Variants in COL25A1 observed in about 807,000 individuals in gnomAD.
COL25A1 encodes collagen type XXV alpha 1 chain, also known as collagen alpha-1(XXV) chain.
COL25A1 carries 103 observed loss-of-function variants against 128.4 expected under a neutral mutation model. The ratio of observed to expected loss-of-function variants is 0.80; its 90% CI spans 0.68 to 0.94. The LOEUF (loss-of-function observed/expected upper bound fraction) is 0.94, where lower values mean the gene tolerates loss of function less well. Among genes scored for constraint, COL25A1 ranks in the 40% least tolerant of loss-of-function variants. The pLI, the probability that COL25A1 is intolerant of heterozygous loss-of-function variation, is 0.00. For synonymous variants in COL25A1, 279 were observed against 277.2 expected (o/e 1.01, Z -0.06); for missense variants, 745 against 840.0 (o/e 0.89, Z 1.40).
intron 6 of COL25A1, among the ~76,000 whole-genome samples, chr4:109,004,703 C>T (rs780502997): frequency 6.6e-6 from 1 of 152,044 alleles, no homozygotes; most frequent in East Asian, 1.9e-4. Context: ...TGCCATGTGA[C>T]GTGCCTGCTC....
intron 3 of COL25A1, among the ~76,000 whole-genome samples, chr4:109,161,737 G>C (rs1212755721): frequency 6.6e-6 from 1 of 152,150 alleles, no homozygotes; most frequent in Non-Finnish European, 1.5e-5. Flanking sequence ...TAACATTCCA[G>C]TTACTATATT....
intron 5 of COL25A1, among the ~76,000 whole-genome samples, chr4:109,013,622 C>T (rs1462978044): frequency 1.3e-5 from 2 of 152,118 alleles, no homozygotes; most frequent in East Asian, 3.9e-4. Context: ...AGCGAGACCA[C>T]AAACCCACCA....
chr4:108,941,951 G>A lies in COL25A1; in HGVS notation c.493-514C>T, dbSNP rs145916508. ...TGCTTGTAAATTAAGCCATCAAGGC[G>A]TGGCATGGTTCTAGATTGCTATGCC... is the stretch of plus-strand genomic sequence containing the variant. On this transcript the variant is annotated intron_variant, in intron 8 of 37. Coordinates refer to ENST00000399132, the MANE Select transcript of COL25A1 (RefSeq NM_198721.4). Among the ~76,000 whole-genome samples the A allele has an allele frequency of 2.3e-3, 350 of 152,284 alleles. 2 individuals are homozygous for A. Among genetic ancestry groups the A allele is most frequent in the African/African-American group, 8.1e-3 (336 of 41,564 alleles).
At chr4:109,187,499 T>C (rs775154063) in intron 3 of COL25A1, among the ~76,000 whole-genome samples, 18 of 152,194 alleles carry the variant, frequency 1.2e-4, no homozygotes, top group African/African-American at 3.1e-4. Flanking sequence ...CCTCATAGGG[T>C]TGGCACGAGA....
At chr4:109,230,654 A>G (rs1424431664) in intron 3 of COL25A1, among the ~76,000 whole-genome samples, 1 of 152,216 alleles carries the variant, frequency 6.6e-6, no homozygotes, top group African/African-American at 2.4e-5. Context: ...GCCAGTCCAA[A>G]GGTTCTATTT....
intron 6 of COL25A1, among the ~76,000 whole-genome samples, chr4:108,979,965 G>A (rs1473902143): frequency 2.0e-5 from 3 of 152,194 alleles, no homozygotes; most frequent in South Asian, 2.1e-4. Context: ...GAGGAGGAGC[G>A]AAGCAGGCCC....
intron 6 of COL25A1, among the ~76,000 whole-genome samples, chr4:109,001,015 A>G (rs1416111759): frequency 2.0e-5 from 3 of 152,138 alleles, no homozygotes; most frequent in Non-Finnish European, 4.4e-5. Flanking sequence ...TTGGTGAAGC[A>G]TAGTCTAGAA....
At chr4:109,221,306 A>T (rs1778393558) in intron 3 of COL25A1, among the ~76,000 whole-genome samples, 1 of 152,178 alleles carries the variant, frequency 6.6e-6, no homozygotes, top group Non-Finnish European at 1.5e-5. Context: ...AATTTGCCTA[A>T]AACCTTTAAA....
intron 3 of COL25A1, among the ~76,000 whole-genome samples, chr4:109,189,263 G>A (rs1775385937): frequency 6.6e-6 from 1 of 151,862 alleles, no homozygotes; most frequent in African/African-American, 2.4e-5. Flanking sequence ...GATTTTTCTG[G>A]CTGGGTGGGC....
intron 3 of COL25A1, among the ~76,000 whole-genome samples, chr4:109,233,404 T>C (rs1345228398): frequency 6.6e-6 from 1 of 152,152 alleles, no homozygotes. Context: ...ATCCAACTAG[T>C]ACAAAACTAT....
rs1161919641 is a variant in COL25A1, at chr4:108,812,416, C to A, written c.*1511G>T. 1 of 152,146 alleles carries A rather than the reference C, an allele frequency of 6.6e-6. No individual in the cohort carries two copies. Among genetic ancestry groups the A allele is most frequent in the Non-Finnish European group, 1.5e-5 (1 of 68,024 alleles). 9.4% of individuals were successfully genotyped at this position (152,146 alleles called of 1,614,324 possible). A position where few individuals can be genotyped will look rare whatever the true frequency, so the allele number is the denominator to read the frequency against. The stretch of plus-strand genomic sequence containing the variant: ...TAACTGATAATCTCCATGTACGTTA[C>A]ATTCATCATGTAAAAAAAGTCAAAA... On this transcript the variant is annotated 3_prime_UTR_variant, in exon 38 of 38. Transcript: ENST00000399132.
intron 3 of COL25A1, among the ~76,000 whole-genome samples, chr4:109,140,050 A>AT (rs1460599456): frequency 6.6e-6 from 1 of 152,092 alleles, no homozygotes; most frequent in East Asian, 1.9e-4. Context: ...TATGTGCCAC[A>AT]TTTTCTTAAT....
At chr4:109,188,148 C>T (rs1024428983) in intron 3 of COL25A1, among the ~76,000 whole-genome samples, 2 of 152,186 alleles carry the variant, frequency 1.3e-5, no homozygotes, top group Admixed American at 1.3e-4. Flanking sequence ...GCCGATGTTC[C>T]GATGCTCCTC....
chr4:109,188,246 C>T (rs1370280179), intron 3 of COL25A1, among the ~76,000 whole-genome samples: 2 of 152,142 alleles, frequency 1.3e-5, no homozygotes, highest in South Asian at 2.1e-4. Context: ...GCTCCTCATG[C>T]CCTATCCAGT....
chr4:108,978,298 C>G (rs1324841345), intron 6 of COL25A1, among the ~76,000 whole-genome samples: 2 of 152,224 alleles, frequency 1.3e-5, no homozygotes, highest in Non-Finnish European at 2.9e-5. Context: ...GACTTGTGCA[C>G]TTGGATTAAC....
intron 3 of COL25A1, among the ~76,000 whole-genome samples, chr4:109,246,163 C>T (rs1780254692): frequency 6.6e-6 from 1 of 151,934 alleles, no homozygotes; most frequent in Non-Finnish European, 1.5e-5. Context: ...CCTAAGGCTG[C>T]TCAGATACAA....
intron 8 of COL25A1, among the ~76,000 whole-genome samples, chr4:108,963,709 A>T (rs1750987184): frequency 6.6e-6 from 1 of 152,036 alleles, no homozygotes; most frequent in Non-Finnish European, 1.5e-5. Flanking sequence ...ATTACTTATC[A>T]AGGAAGTCTT....
At chr4:108,966,926 A>AGAAAGAAAGAAAAGAG (rs56937338) in intron 8 of COL25A1, among the ~76,000 whole-genome samples, 1 of 150,668 alleles carries the variant, frequency 6.6e-6, no homozygotes, top group Non-Finnish European at 1.5e-5. Flanking sequence ...AAGAGAGAAA[A>AGAAAGAAAGAAAAGAG]AGAGAGAAAG....
chr4:109,294,480 C>T (rs180749300), intron 3 of COL25A1, among the ~76,000 whole-genome samples: 195 of 152,186 alleles, frequency 1.3e-3, no homozygotes, highest in Admixed American at 2.2e-3. Flanking sequence ...CTATCCATGT[C>T]TAAGAATTGA....
Sources: allele counts gnomAD v4.1 joint callset (sites outside exome capture counted in the v4.1 genomes callset), GRCh38; gene constraint gnomAD v4.1.1; transcripts MANE v1.5; gene names NCBI Gene and HGNC (gene_info 2026-07-23, HGNC 2026-07-21).